Variants in RNF150 observed in about 807,000 individuals in gnomAD.
The protein encoded by RNF150 is ring finger protein 150.
Under a neutral mutation model 39.3 loss-of-function variants are expected in RNF150, and 24 were observed. That is an observed-to-expected ratio of 0.61 (90% CI 0.44 to 0.86). The LOEUF (loss-of-function observed/expected upper bound fraction) is 0.86. Ranked by LOEUF, RNF150 falls within the 40% of genes least tolerant of loss-of-function variation. The pLI is 0.00. For missense variants in RNF150, 502 were observed against 587.8 expected (o/e 0.85, Z 1.51); for synonymous variants, 255 against 227.3 (o/e 1.12, Z -1.10).
intron 6 of RNF150, among the ~76,000 whole-genome samples, chr4:140,876,112 C>T (rs1259791081): frequency 6.6e-6 from 1 of 152,108 alleles, no homozygotes; most frequent in East Asian, 1.9e-4. Flanking sequence ...GCTTATTTTT[C>T]CTCATGTACT....
chr4:141,192,640 G>A (rs1043782376), intron 1 of RNF150, among the ~76,000 whole-genome samples: 9 of 152,150 alleles, frequency 5.9e-5, no homozygotes, highest in African/African-American at 2.2e-4. Context: ...AGAGTTCTAA[G>A]GTGGAAGAGG....
Position 140,910,454 on chromosome 4 carries a change from A to G in RNF150, c.1198+690T>C, listed in dbSNP as rs190679353. ...TTCTATCTTGATGCTAATACACATA[A>G]TTTAATATTTTTATGAAAACTACCA... On this transcript the variant is annotated intron_variant, in intron 6 of 6. Transcript: ENST00000515673. Among the ~76,000 whole-genome samples the G allele has an allele frequency of 4.1e-3, 626 of 152,258 alleles. 4 individuals carry two copies. Among genetic ancestry groups the G allele is most frequent in the Non-Finnish European group, 7.5e-3 (511 of 68,024 alleles).
chr4:140,876,231 G>A (rs563195656), intron 6 of RNF150, among the ~76,000 whole-genome samples: 1 of 152,330 alleles, frequency 6.6e-6, no homozygotes, highest in East Asian at 1.9e-4. Context: ...TTGTACAAGA[G>A]CACTATAGGG....
intron 6 of RNF150, among the ~76,000 whole-genome samples, chr4:140,874,490 G>A (rs1363101025): frequency 6.6e-6 from 1 of 152,150 alleles, no homozygotes; most frequent in African/African-American, 2.4e-5. Flanking sequence ...TGGCCACATA[G>A]GAAAGTTTTT....
chr4:140,931,650 G>A (rs935629892), intron 4 of RNF150, among the ~76,000 whole-genome samples: 2 of 152,276 alleles, frequency 1.3e-5, no homozygotes, highest in Middle Eastern at 3.4e-3. Context: ...AAGCACACAC[G>A]GAAGACAAGA....
intron 1 of RNF150, among the ~76,000 whole-genome samples, chr4:141,097,490 T>C (rs560156897): frequency 6.6e-6 from 1 of 151,660 alleles, no homozygotes; most frequent in Non-Finnish European, 1.5e-5. Context: ...TGTCATAGTT[T>C]AATTGGTGAC....
At position 141,132,472 on chromosome 4, in the gene RNF150, G is replaced by C. The variant is rs1327185995; in HGVS notation, c.337C>G (p.Arg113Gly). The C allele has an allele frequency of 6.2e-7, 1 of 1,608,966 alleles. No individual in the cohort carries two copies. The highest frequency in any genetic ancestry group is 8.5e-7 in the Non-Finnish European group (1 of 1,178,434). Residue 113 changes from arginine (R) to glycine (G), a missense_variant, in exon 1 of 7, where the codon CGC (arginine) becomes GGC (glycine). Arg to Gly is a moderately radical substitution (Grantham distance 125). Coordinates refer to ENST00000515673, the MANE Select transcript of RNF150 (RefSeq NM_020724.2). The surrounding 1 kb of genome is among the most constrained non-coding windows in gnomAD (Gnocchi z 4.9). ...ATGAGGGCTATCCAGTTCTTGCCGC[G>C]GGTCGGGGCGGCGAACTTGGTGTTG... The part of the protein sequence containing the change: ...DPNTKFAAPT[R>G]GKNWIALIPK...
intron 1 of RNF150, among the ~76,000 whole-genome samples, chr4:140,986,980 G>A (rs1283699053): frequency 6.6e-6 from 1 of 151,850 alleles, no homozygotes; most frequent in African/African-American, 2.4e-5. Context: ...CACCAATACC[G>A]TTCAAGTTGA....
At chr4:141,095,981 T>A (rs974957069) in intron 1 of RNF150, among the ~76,000 whole-genome samples, 7 of 152,150 alleles carry the variant, frequency 4.6e-5, no homozygotes, top group East Asian at 3.9e-4. Context: ...ATATATTTTT[T>A]AAAAGTTCTG....
At position 140,997,351 on chromosome 4, in the gene RNF150, G is replaced by A. The variant is rs187376636; in HGVS notation, c.485-29478C>T. 1.1e-3 allele frequency among the ~76,000 whole-genome samples: 162 copies of A among 152,202 alleles called. 1 individual carries two copies. Among genetic ancestry groups the A allele is most frequent in the East Asian group, 6.6e-3 (34 of 5,168 alleles). On this transcript the variant is annotated intron_variant, in intron 1 of 6. Transcript: ENST00000515673. ...ATATATAAAGGTATTGGCTAGGTGC[G>A]GTGGCTCATGCCTGTAATCCCAGCA...
intron 1 of RNF150, among the ~76,000 whole-genome samples, chr4:140,997,550 A>T (rs1483751087): frequency 6.6e-6 from 1 of 152,070 alleles, no homozygotes; most frequent in African/African-American, 2.4e-5. Context: ...CAAATCCAAC[A>T]CTTAAAAGAC....
intron 5 of RNF150, among the ~76,000 whole-genome samples, chr4:140,921,885 A>C (rs566520935): frequency 1.3e-5 from 2 of 152,130 alleles, no homozygotes; most frequent in Admixed American, 6.6e-5. Flanking sequence ...TTATCTGAAT[A>C]GATGCAGAAA....
Position 140,921,043 on chromosome 4 carries a change from G to C in RNF150, c.987+4934C>G, listed in dbSNP as rs547254057. Among the ~76,000 whole-genome samples the C allele has an allele frequency of 2.6e-5, 4 of 151,110 alleles. No homozygotes were observed. The South Asian group carries it at 6.4e-4, about 24-fold the overall frequency. ...CACACTCTGGGGACTGTTGTGGCGT[G>C]GGAGGAGGGATAGCATTAGGAGATA... On this transcript the variant is annotated intron_variant, in intron 5 of 6. Coordinates refer to ENST00000515673, the MANE Select transcript of RNF150 (RefSeq NM_020724.2).
intron 1 of RNF150, among the ~76,000 whole-genome samples, chr4:141,191,817 C>T (rs1046765440): frequency 6.6e-6 from 1 of 152,202 alleles, no homozygotes; most frequent in African/African-American, 2.4e-5. Flanking sequence ...GATGGTCCAG[C>T]TCCTGGTCAT....
At position 141,062,302 on chromosome 4, in the gene RNF150, T is replaced by C; in HGVS notation, c.484+70023A>G. On this transcript the variant is annotated intron_variant, in intron 1 of 6. Coordinates refer to ENST00000515673, the MANE Select transcript of RNF150 (RefSeq NM_020724.2). The stretch of plus-strand genomic sequence containing the variant: ...TTATACATGTCTGTATTATACATGA[T>C]ATAAAGATAAACATGCATCTTATAT... Among the ~76,000 whole-genome samples the C allele has an allele frequency of 3.3e-5, 5 of 152,296 alleles. No individual in the cohort carries two copies. The Middle Eastern group carries it at 0.017, about 518-fold the overall frequency.
At chr4:141,021,343 T>A (rs539877905) in intron 1 of RNF150, among the ~76,000 whole-genome samples, 2 of 152,278 alleles carry the variant, frequency 1.3e-5, no homozygotes, top group South Asian at 4.2e-4. Flanking sequence ...AGAGTTGAGT[T>A]TGGTCAAGGA....
chr4:141,024,567 A>C (rs1487727690), intron 1 of RNF150, among the ~76,000 whole-genome samples: 1 of 152,190 alleles, frequency 6.6e-6, no homozygotes, highest in African/African-American at 2.4e-5. Context: ...CAAAATGAGA[A>C]AACAATGTAT....
chr4:141,113,314 G>A (rs1484128290), intron 1 of RNF150, among the ~76,000 whole-genome samples: 7 of 138,678 alleles, frequency 5.0e-5, no homozygotes, highest in Non-Finnish European at 7.7e-5. Context: ...AAGGGAGGGA[G>A]GAATATTTAG....
rs182711589 is a variant in RNF150, at chr4:140,999,851, C to G, written c.485-31978G>C. On this transcript the variant is annotated intron_variant, in intron 1 of 6. Transcript: ENST00000515673. The stretch of plus-strand genomic sequence containing the variant: ...TCATGAGGCTGAGGCAGGAGAATCT[C>G]TTGAATCTGGGAGGCAGACATTGTA... Among the ~76,000 whole-genome samples, 251 of 151,068 alleles carry G rather than the reference C, an allele frequency of 1.7e-3. 1 individual carries two copies. The highest frequency in any genetic ancestry group is 5.2e-3 in the Admixed American group (79 of 15,078).
Sources: gnomAD v4.1 joint callset for allele counts (sites outside exome capture counted in the v4.1 genomes callset) on GRCh38, gnomAD v4.1.1 for gene constraint, Gnocchi (gnomAD v3.1) non-coding constraint, MANE v1.5 for transcripts, NCBI Gene and HGNC (gene_info 2026-07-23, HGNC 2026-07-21) for gene names.